PHLPP1: variants seen among roughly 807,000 people sequenced by gnomAD.
The protein encoded by PHLPP1 is PH domain and leucine rich repeat protein phosphatase 1.
PHLPP1 carries 42 observed loss-of-function variants against 117.2 expected under a neutral mutation model. The observed-to-expected ratio is 0.36, with a 90% CI of 0.28 to 0.46. The LOEUF (loss-of-function observed/expected upper bound fraction) is 0.46. PHLPP1 is among the 20% of genes least tolerant of loss of function. The pLI is 1.00. For synonymous variants in PHLPP1, 1,042 were observed against 970.7 expected, an observed-to-expected ratio of 1.07 and a Z score of -1.37; for missense variants, 2,084 against 2,241.9, an observed-to-expected ratio of 0.93 and a Z score of 1.42.
At chr18:62,745,673 A>G (rs1159293837) in intron 1 of PHLPP1, among the ~76,000 whole-genome samples, 1 of 152,190 alleles carries the variant, frequency 6.6e-6, no homozygotes, top group Non-Finnish European at 1.5e-5. Context: ...AATACTTTAC[A>G]TTTTTTAAAC....
At chr18:62,736,707 G>A (rs147575493) in intron 1 of PHLPP1, among the ~76,000 whole-genome samples, 2 of 152,256 alleles carry the variant, frequency 1.3e-5, no homozygotes, top group African/African-American at 4.8e-5. Flanking sequence ...GTTTGAAATG[G>A]TAATACATGT....
chr18:62,864,158 A>C (rs1054922279), intron 4 of PHLPP1, among the ~76,000 whole-genome samples: 1 of 151,960 alleles, frequency 6.6e-6, no homozygotes, highest in Non-Finnish European at 1.5e-5. Context: ...AGTAGCTGGG[A>C]CTATAGGCGC....
chr18:62,835,620 A>G (rs1003137942), intron 2 of PHLPP1, among the ~76,000 whole-genome samples: 2 of 152,184 alleles, frequency 1.3e-5, no homozygotes, highest in South Asian at 2.1e-4. Flanking sequence ...GAGAATTTTT[A>G]TTCTTCATTT....
At chr18:62,754,329 T>G (rs1911945681) in intron 1 of PHLPP1, among the ~76,000 whole-genome samples, 2 of 152,338 alleles carry the variant, frequency 1.3e-5, no homozygotes, top group South Asian at 4.1e-4. Context: ...CATGTCTGTG[T>G]GTGCACAGGA....
chr18:62,914,762 A>G, intron 8 of PHLPP1, 151 bp from the exon 9 acceptor site: 2 of 606,288 alleles, frequency 3.3e-6, no homozygotes, highest in Non-Finnish European at 5.9e-6. Context: ...TCTTGCTTCT[A>G]GAGAAAAGCG....
chr18:62,917,285 G>A (rs1373353024), intron 9 of PHLPP1, among the ~76,000 whole-genome samples: 1 of 150,906 alleles, frequency 6.6e-6, no homozygotes, highest in Admixed American at 6.6e-5. Context: ...TCCCAAATTT[G>A]TTGATCTTTA....
chr18:62,857,875 C>T (rs945112238), intron 3 of PHLPP1, among the ~76,000 whole-genome samples: 3 of 152,176 alleles, frequency 2.0e-5, no homozygotes, highest in African/African-American at 7.2e-5. Flanking sequence ...TAAGTAGATT[C>T]TCAACACATA....
chr18:62,822,624 C>G (rs1027859838), intron 1 of PHLPP1, among the ~76,000 whole-genome samples: 2 of 152,006 alleles, frequency 1.3e-5, no homozygotes, highest in African/African-American at 4.8e-5. Context: ...AATGCCTCCC[C>G]CTTAAGATCA....
rs1933748024 is a variant in PHLPP1, at chr18:62,715,711, C to A, written c.28C>A (p.Gln10Lys). The A allele has an allele frequency of 1.6e-6, 2 of 1,281,176 alleles. No individual in the cohort carries two copies. The highest frequency in any genetic ancestry group is 3.1e-5 in the African/African-American group (2 of 64,744). The allele number at this position is 1,281,176 out of a possible 1,614,324, so 79.4% of individuals were successfully genotyped here. Reference protein sequence around the residue: MEPAAAATVQRLPELGREDR... With the variant: MEPAAAATVKRLPELGREDR... ...GGAGCCCGCCGCCGCGGCCACGGTACAGCGACTCCCCGAGCTCGGCAGGGA... is the reference window on the plus strand; with the variant it reads ...GGAGCCCGCCGCCGCGGCCACGGTAAAGCGACTCCCCGAGCTCGGCAGGGA... Residue 10 changes from glutamine (Q) to lysine (K), a missense_variant, in exon 1 of 17, where the codon CAG (glutamine) becomes AAG (lysine). Physicochemically the swap from Gln to Lys is moderately conservative, Grantham distance 53. Transcript: ENST00000262719.
At chr18:62,972,475 G>A (rs766930511) in intron 14 of PHLPP1, 39 bp from the exon 15 acceptor site, 2 of 1,578,738 alleles carry the variant, frequency 1.3e-6, no homozygotes, top group Admixed American at 1.7e-5. Flanking sequence ...GGAGCAGGAG[G>A]ATGAGTGGAC....
At chr18:62,763,101 C>A (rs1159359563) in intron 1 of PHLPP1, among the ~76,000 whole-genome samples, 3 of 152,164 alleles carry the variant, frequency 2.0e-5, no homozygotes, top group African/African-American at 7.2e-5. Flanking sequence ...CAGAAATTTT[C>A]CCCGTATGAC....
intron 1 of PHLPP1, among the ~76,000 whole-genome samples, chr18:62,732,704 C>T (rs1911261265): frequency 6.6e-6 from 1 of 152,132 alleles, no homozygotes; most frequent in African/African-American, 2.4e-5. Flanking sequence ...AAATTGAGAA[C>T]CTTTTGGCAA....
intron 10 of PHLPP1, among the ~76,000 whole-genome samples, chr18:62,935,299 G>A (rs117481970): frequency 6.6e-6 from 1 of 152,108 alleles, no homozygotes; most frequent in Admixed American, 6.6e-5. Flanking sequence ...ATCAAAGGAG[G>A]TTACTTAAGA....
chr18:62,723,606 GTGTT>G (rs1371041333), intron 1 of PHLPP1, among the ~76,000 whole-genome samples: 1 of 152,176 alleles, frequency 6.6e-6, no homozygotes, highest in Non-Finnish European at 1.5e-5. Context: ...ATGTGTTAGA[GTGTT>G]TGGGCTTTCT....
chr18:62,963,704 G>C (rs911310607), intron 14 of PHLPP1, among the ~76,000 whole-genome samples: 2 of 152,166 alleles, frequency 1.3e-5, no homozygotes, highest in African/African-American at 2.4e-5. Flanking sequence ...TAGGATACAA[G>C]GTAACTGACA....
Position 62,905,209 on chromosome 18 carries a change from T to G in PHLPP1, c.2648-15T>G, listed in dbSNP as rs1248495776. ...TATAGTAATGTCTTTGTGGGGTTTT[T>G]TTTTTTCTTCCTAGAACTTGTTCAA... On this transcript the variant is annotated splice_polypyrimidine_tract_variant and intron_variant, in intron 7 of 16. Coordinates refer to ENST00000262719, the MANE Select transcript of PHLPP1 (RefSeq NM_194449.4). 1 of 1,512,672 alleles carries G rather than the reference T, an allele frequency of 6.6e-7. No homozygotes were observed. Among genetic ancestry groups the G allele is most frequent in the African/African-American group, 1.4e-5 (1 of 71,190 alleles). 93.7% of individuals were successfully genotyped at this position (1,512,672 alleles called of 1,614,324 possible).
At chr18:62,900,797 T>C (rs1916704828) in intron 6 of PHLPP1, among the ~76,000 whole-genome samples, 1 of 152,176 alleles carries the variant, frequency 6.6e-6, no homozygotes, top group Non-Finnish European at 1.5e-5. Context: ...TGGATGTATT[T>C]TCACCACAAA....
intron 10 of PHLPP1, among the ~76,000 whole-genome samples, chr18:62,939,065 A>C (rs1295937076): frequency 1.4e-5 from 2 of 142,108 alleles, no homozygotes; most frequent in Non-Finnish European, 3.0e-5. Flanking sequence ...GTCTTGGCTC[A>C]TTGCAACCTC....
chr18:62,883,558 T>TG (rs912520440), intron 4 of PHLPP1, among the ~76,000 whole-genome samples: 1 of 152,152 alleles, frequency 6.6e-6, no homozygotes, highest in African/African-American at 2.4e-5. Context: ...AATGCTAGCA[T>TG]GGGGAAAGGG....
Sources: gnomAD v4.1 joint callset for allele counts (sites outside exome capture counted in the v4.1 genomes callset) on GRCh38, gnomAD v4.1.1 for gene constraint, MANE v1.5 for transcripts, NCBI Gene and HGNC (gene_info 2026-07-23, HGNC 2026-07-21) for gene names.